PLEC: variants seen among roughly 807,000 people sequenced by gnomAD.
The protein encoded by PLEC is hemidesmosomal protein 1.
Under a neutral mutation model 392.8 loss-of-function variants are expected in PLEC, and 216 were observed. The observed-to-expected ratio is 0.55, with a 90% confidence interval of 0.49 to 0.62. The LOEUF (loss-of-function observed/expected upper bound fraction) is 0.62. Ranked by LOEUF, PLEC falls within the 20% of genes least tolerant of loss-of-function variation. The pLI is 0.00. For synonymous variants in PLEC, 3,621 were observed against 2,980.6 expected, an observed-to-expected ratio of 1.21 and a Z score of -7.00; for missense variants, 6,863 against 6,563.4, an observed-to-expected ratio of 1.05 and a Z score of -1.58.
chr8:143,938,902 A>T (rs1341578604), intron 1 of PLEC, among the ~76,000 whole-genome samples: 2 of 151,972 alleles, frequency 1.3e-5, no homozygotes, highest in Non-Finnish European at 2.9e-5. Context: ...AGGCGCCACC[A>T]GGTGCAGCCA....
At chr8:143,930,576 A>T in intron 19 of PLEC, 40 bp from the exon 20 acceptor site, 1 of 1,556,952 alleles carries the variant, frequency 6.4e-7, no homozygotes, top group South Asian at 1.2e-5. Flanking sequence ...GGCCATGGAG[A>T]CCCACAGGCC....
In PLEC at chr8:143,916,448, C is replaced by T; in HGVS notation, c.13373G>A (p.Gly4458Asp). Residue 4458 changes from glycine to aspartate, a missense_variant, in exon 32 of 32, where the codon GGC (glycine) becomes GAC (aspartate). Transcript: ENST00000345136. The part of the protein sequence containing the change: ...DALDRSMVEE[G>D]TGLRLLEAAA... ...AGCCTCCAGCAGCCGCAGCCCCGTG[C>T]CCTCCTCCACCATGCTGCGGTCCAG... is the stretch of plus-strand genomic sequence containing the variant. The T allele has an allele frequency of 6.2e-7, 1 of 1,610,632 alleles. No homozygotes were observed. Among genetic ancestry groups the T allele is most frequent in the South Asian group, 1.1e-5 (1 of 91,026 alleles).
chr8:143,967,444 G>A (rs1476116932), intron 1 of PLEC, among the ~76,000 whole-genome samples: 1 of 151,288 alleles, frequency 6.6e-6, no homozygotes, highest in African/African-American at 2.4e-5. Context: ...CATCCATGGT[G>A]TGCCCAGTGG....
rs1554687742 is a variant in PLEC, at chr8:143,921,940, G to A, written c.7881C>T (p.Pro2627=). 1.3e-6 allele frequency: 2 copies of A among 1,599,334 alleles called. No homozygotes were observed. Among genetic ancestry groups the A allele is most frequent in the Admixed American group, 1.7e-5 (1 of 60,004 alleles). The part of the protein sequence containing the change: ...ASQVAATKTL[P]NGRDALDGPA... ...GGCCATCAAGTGCATCCCGGCCATT[G>A]GGCAGGGTCTTTGTGGCAGCCACCT... Residue 2627 remains proline, a synonymous_variant, in exon 32 of 32, where the codon CCC becomes CCT. Transcript: ENST00000345136.
chr8:143,929,398 G>C lies in PLEC; in HGVS notation c.3081+16C>G. On this transcript the variant is annotated intron_variant, in intron 24 of 31. Coordinates refer to ENST00000345136, the MANE Select transcript of PLEC (RefSeq NM_201384.3). ...GGGGAGAGGGATGGGACTGGATGGG[G>C]GGGGACGGCCCCTGCCTGCTGCTCG... 1 of 1,561,696 alleles carries C rather than the reference G, an allele frequency of 6.4e-7. No homozygotes were observed. The highest frequency in any genetic ancestry group is 8.6e-7 in the Non-Finnish European group (1 of 1,156,462).
chr8:143,973,085 G>A lies in PLEC; in HGVS notation c.70+318C>T, dbSNP rs964139327. On this transcript the variant is annotated intron_variant, in intron 1 of 31. Coordinates refer to the PLEC transcript ENST00000356346. This position sits in a 1 kb window ranked among gnomAD's most constrained non-coding sequence, Gnocchi z 5.6. The stretch of plus-strand genomic sequence containing the variant: ...AGGGGATGGCTCAGCCTTGACCCAT[G>A]TGTCTGCTGGCCACAGACACCGGAT... 3.9e-5 allele frequency among the ~76,000 whole-genome samples: 6 copies of A among 152,156 alleles called. No homozygotes were observed. Among genetic ancestry groups the A allele is most frequent in the Non-Finnish European group, 8.8e-5 (6 of 68,006 alleles).
intron 1 of PLEC, 67 bp from the exon 2 acceptor site, chr8:143,938,759 G>A (rs1026574254): frequency 1.0e-4 from 144 of 1,376,086 alleles, no homozygotes; most frequent in Non-Finnish European, 1.4e-4. Context: ...GGTGACCACC[G>A]TGCAGACACA....
In PLEC at chr8:143,923,995, C is replaced by G. The variant is rs532160148; in HGVS notation, c.5934G>C (p.Glu1978Asp). The G allele has an allele frequency of 6.3e-7, 1 of 1,586,012 alleles. No individual in the cohort carries two copies. The highest frequency in any genetic ancestry group is 8.5e-7 in the Non-Finnish European group (1 of 1,171,892). Residue 1978 changes from glutamate to aspartate, a missense_variant, in exon 31 of 32, where the codon GAG becomes GAC. Transcript: ENST00000345136. Reference protein sequence around the residue: ...EAARQRQLAAEEERRRREAEE... With the variant: ...EAARQRQLAADEERRRREAEE... ...CAGCCTCACGGCGCCGCCGCTCCTCCTCCGCCGCCAGCTGCCGCTGCCTCG... is the reference window on the plus strand; with the variant it reads ...CAGCCTCACGGCGCCGCCGCTCCTCGTCCGCCGCCAGCTGCCGCTGCCTCG...
intron 6 of PLEC, 122 bp from the exon 7 acceptor site, chr8:143,935,435 C>G: frequency 1.4e-6 from 1 of 735,364 alleles, no homozygotes; most frequent in Non-Finnish European, 2.4e-6. Flanking sequence ...AACACTCACC[C>G]TGAAAAATAC....
exon 1 of PLEC, chr8:143,950,196 C>T (rs1554734879): frequency 6.6e-7 from 1 of 1,524,648 alleles, no homozygotes; most frequent in South Asian, 1.2e-5. Context: ...GTGGCTGGGG[C>T]AGGCTCCGGG....
At chr8:143,970,580 C>T (rs1474775433) in intron 1 of PLEC, among the ~76,000 whole-genome samples, 3 of 152,190 alleles carry the variant, frequency 2.0e-5, no homozygotes, top group Admixed American at 1.3e-4. Context: ...TTCACCCATT[C>T]AAAGCGTCCA....
In PLEC at chr8:143,929,571, C is replaced by T. The variant is rs782214942; in HGVS notation, c.2924G>A (p.Gly975Asp). The change falls in exon 24 of 32, where the codon GGT (glycine) becomes GAT (aspartate). Residue 975 changes from glycine to aspartate, a missense_variant and splice_region_variant. By Grantham distance (94) the Gly-to-Asp change is moderately conservative. Coordinates refer to ENST00000345136, the MANE Select transcript of PLEC (RefSeq NM_201384.3). Reference protein sequence around the residue: ...YQQLLQSLEQGAQEESRCQRC... With the variant: ...YQQLLQSLEQDAQEESRCQRC... ...CTGGCAGCGAGACTCTTCCTGTGCACCTGGGGAACACATGTGGGTCACTCC... is the reference window on the plus strand; with the variant it reads ...CTGGCAGCGAGACTCTTCCTGTGCATCTGGGGAACACATGTGGGTCACTCC... The T allele has an allele frequency of 8.7e-6, 14 of 1,612,322 alleles. No homozygotes were observed. The African/African-American group carries it at 1.5e-4, about 17-fold the overall frequency.
chr8:143,959,246 T>C (rs1429003724), intron 1 of PLEC, among the ~76,000 whole-genome samples: 1 of 152,232 alleles, frequency 6.6e-6, no homozygotes, highest in East Asian at 1.9e-4. Flanking sequence ...CACCATTTAC[T>C]GGAGCTCAGA....
chr8:143,930,090 C>T (rs782763156), intron 21 of PLEC, 28 bp from the exon 22 acceptor site: 2 of 1,605,396 alleles, frequency 1.2e-6, no homozygotes, highest in Non-Finnish European at 1.7e-6. Flanking sequence ...CAGTCAGCGT[C>T]ACCAGCGCCC....
rs782601590 is a variant in PLEC at position 143,917,158 on chromosome 8, C to G, written c.12663G>C (p.Gln4221His). 67 of 1,610,032 alleles carry G rather than the reference C, an allele frequency of 4.2e-5. No homozygotes were observed. The highest frequency in any genetic ancestry group is 5.6e-5 in the Non-Finnish European group (66 of 1,177,354). ...KNLIDRSALDQYRAGTLSITE... is the reference protein window; with the variant it reads ...KNLIDRSALDHYRAGTLSITE... The stretch of plus-strand genomic sequence containing the variant: ...TGATGGAGAGCGTGCCGGCGCGGTA[C>G]TGGTCCAGTGCCGAGCGGTCGATGA... The change falls in exon 32 of 32, where the codon CAG becomes CAC. Residue 4221 changes from glutamine (Q) to histidine (H), a missense_variant. Gln to His is a conservative substitution (Grantham distance 24). Coordinates refer to ENST00000345136, the MANE Select transcript of PLEC (RefSeq NM_201384.3).
At chr8:143,943,668 C>T, upstream of PLEC, 1 of 1,042,962 alleles carries the variant, frequency 9.6e-7, no homozygotes, top group Non-Finnish European at 1.4e-6. Flanking sequence ...ACTGCTTTCA[C>T]TGACATTCAG....
intron 3 of PLEC, chr8:143,937,889 G>C (rs1433933764): frequency 7.9e-6 from 5 of 635,496 alleles, no homozygotes; most frequent in African/African-American, 7.2e-5. Context: ...ACTGTGTCCC[G>C]ACGCGGAGGG....
At position 143,924,184 on chromosome 8, in the gene PLEC, G is replaced by A. The variant is rs1554696131; in HGVS notation, c.5745C>T (p.Asp1915=). Residue 1915 remains aspartate, a synonymous_variant, in exon 31 of 32, where the codon GAC becomes GAT. Transcript: ENST00000345136. ...ELERQKGLVE[D]TLRQRRQVEE... ...CCACCTGCCGCCGCTGCCTCAGCGTGTCCTCCACCAGCCCCTTCTGCCGCT... is the reference window on the plus strand; with the variant it reads ...CCACCTGCCGCCGCTGCCTCAGCGTATCCTCCACCAGCCCCTTCTGCCGCT... The A allele has an allele frequency of 6.3e-7, 1 of 1,598,964 alleles. No individual in the cohort carries two copies. The highest frequency in any genetic ancestry group is 2.2e-5 in the East Asian group (1 of 44,826).
chr8:143,942,438 G>A (rs1554729445), upstream of PLEC: 2 of 1,603,456 alleles, frequency 1.2e-6, no homozygotes, highest in Non-Finnish European at 1.7e-6. Flanking sequence ...GGGCCGGCTC[G>A]CAGCCCCCGT....
Sources: gnomAD v4.1 joint callset for allele counts (sites outside exome capture counted in the v4.1 genomes callset) on GRCh38, gnomAD v4.1.1 for gene constraint, Gnocchi (gnomAD v3.1) non-coding constraint, MANE v1.5 for transcripts, NCBI Gene and HGNC (gene_info 2026-07-23, HGNC 2026-07-21) for gene names.